Variants in UBA1 observed in about 807,000 individuals in gnomAD.
UBA1 encodes ubiquitin like modifier activating enzyme 1.
UBA1 carries 4 observed loss-of-function variants against 84.7 expected under a neutral mutation model. That is an observed-to-expected ratio of 0.05 (90% CI 0.02 to 0.11). The LOEUF is 0.11. UBA1 is among the 10% of genes least tolerant of loss of function. The pLI is 1.00. For missense variants in UBA1, 513 were observed against 902.8 expected (o/e 0.57, Z 5.53); for synonymous variants, 364 against 362.6 (o/e 1.00, Z -0.04).
intron 23 of UBA1, 52 bp from the exon 24 acceptor site, chrX:47,214,275 G>A (rs1937051816): frequency 9.1e-7 from 1 of 1,103,437 alleles, no homozygotes; most frequent in South Asian, 1.8e-5. Context: ...ACAGATGGGG[G>A]CTGGACCCTC....
Position 47,212,801 on chromosome X carries a change from A to G in UBA1, c.2584A>G (p.Ile862Val), listed in dbSNP as rs1351999233. Residue 862 changes from isoleucine to valine, a missense_variant, in exon 22 of 26, where the codon ATC (isoleucine) becomes GTC (valine). Transcript: ENST00000335972. ...DDDSNFHMDF[I>V]VAASNLRAEN... The stretch of plus-strand genomic sequence containing the variant: ...TGACAGCAACTTTCATATGGATTTC[A>G]TCGTGGCTGCATCCAACCTCCGGGC... 20 of 1,209,322 alleles carry G rather than the reference A, an allele frequency of 1.7e-5. No homozygotes were observed. Among genetic ancestry groups the G allele is most frequent in the Admixed American group, 6.6e-5 (3 of 45,711 alleles).
At chrX:47,194,845 C>G (rs1232591865) in intron 1 of UBA1, among the ~76,000 whole-genome samples, 1 of 112,403 alleles carries the variant, frequency 8.9e-6, no homozygotes, top group Non-Finnish European at 1.9e-5. Flanking sequence ...TCAGAGACTA[C>G]TGAGAGGCCT....
intron 23 of UBA1, among the ~76,000 whole-genome samples, chrX:47,214,024 C>T (rs1299677933): frequency 2.7e-5 from 3 of 111,037 alleles, no homozygotes; most frequent in Non-Finnish European, 5.7e-5. Context: ...GGCTTGGTGG[C>T]GAGTGGGGAC....
At position 47,199,193 on chromosome X, in the gene UBA1, C is replaced by T. The variant is rs782378943; in HGVS notation, c.177-16C>T. On this transcript the variant is annotated splice_polypyrimidine_tract_variant and intron_variant, in intron 3 of 25. Transcript: ENST00000335972. ...GTGGGGCAGGCCCTGACCTAGAGTACCCCCTAACCTGGCAGGTATGTGTTG... is the reference window on the plus strand; with the variant it reads ...GTGGGGCAGGCCCTGACCTAGAGTATCCCCTAACCTGGCAGGTATGTGTTG... 4.9e-6 allele frequency: 6 copies of T among 1,212,130 alleles called. No individual in the cohort carries two copies. The highest frequency in any genetic ancestry group is 1.8e-5 in the South Asian group (1 of 57,037).
chrX:47,197,192 T>C (rs1936235645), intron 1 of UBA1: 2 of 755,047 alleles, frequency 2.6e-6, no homozygotes, highest in Non-Finnish European at 1.6e-6. Context: ...TCCTTAGCCC[T>C]GTGGACTGGG....
At position 47,214,176 on chromosome X, in the gene UBA1, AG is replaced by A; in HGVS notation, c.2839-148del. On this transcript the variant is annotated intron_variant, in intron 23 of 25. Coordinates refer to ENST00000335972, the MANE Select transcript of UBA1 (RefSeq NM_003334.4). ...AGAAGAAAACAGAATTTCATTGCTT[AG>A]GGTGAGATAGGAACCACAAGAGGAT... 9.7e-6 allele frequency: 5 copies of A among 515,744 alleles called. No individual in the cohort carries two copies. In the South Asian group the frequency reaches 1.3e-4, roughly 14 times the overall value. 42.5% of individuals were successfully genotyped at this position (515,744 alleles called of 1,213,427 possible).
chrX:47,205,818 C>A, intron 14 of UBA1, 130 bp from the exon 15 acceptor site: 1 of 787,520 alleles, frequency 1.3e-6, no homozygotes, highest in Non-Finnish European at 1.8e-6. Flanking sequence ...CATGCCACTG[C>A]ATTCCAGCCT....
At chrX:47,210,798 C>T (rs1556793106) in intron 18 of UBA1, 44 bp from the exon 19 acceptor site, 1 of 1,168,275 alleles carries the variant, frequency 8.6e-7, no homozygotes, top group Non-Finnish European at 1.2e-6. Context: ...TCAGAGAGGC[C>T]TTCACTCTCA....
chrX:47,212,884 A>ATGT, intron 22 of UBA1, 21 bp downstream of exon 22: 1 of 1,208,194 alleles, frequency 8.3e-7, no homozygotes, highest in Non-Finnish European at 1.1e-6. Context: ...TCTAAATCTG[A>ATGT]TGTTCCACCC....
At chrX:47,195,758 T>C (rs1173836893) in intron 1 of UBA1, among the ~76,000 whole-genome samples, 1 of 111,015 alleles carries the variant, frequency 9.0e-6, no homozygotes, top group Non-Finnish European at 1.9e-5. Flanking sequence ...ATACCTAGCA[T>C]GTCCTGTCAG....
rs781845476 is a variant in UBA1, at chrX:47,210,060, C to T, written c.2136C>T (p.His712=). ...CTGACTGCGTGACCTGGGCCTGCCA[C>T]CACTGGCACACCCAGTACTCGAACA... ...TWADCVTWAC[H]HWHTQYSNNI... The change falls in exon 18 of 26, where the codon CAC becomes CAT. Residue 712 remains histidine (H), a synonymous_variant. Transcript: ENST00000335972. 7 of 1,210,695 alleles carry T rather than the reference C, an allele frequency of 5.8e-6. No individual in the cohort carries two copies. The East Asian group carries it at 1.5e-4, about 26-fold the overall frequency.
chrX:47,213,728 G>C (rs147103258), intron 23 of UBA1, among the ~76,000 whole-genome samples: 1 of 111,277 alleles, frequency 9.0e-6, no homozygotes, highest in Non-Finnish European at 1.9e-5. Context: ...TTAGCCAGGC[G>C]TAGTGGTAGG....
intron 20 of UBA1, among the ~76,000 whole-genome samples, chrX:47,211,909 A>G (rs1936933582): frequency 9.3e-6 from 1 of 107,850 alleles, no homozygotes; most frequent in Admixed American, 9.9e-5. Context: ...TCACCTTCAT[A>G]TATTTCTTCC....
chrX:47,211,239 G>A lies in UBA1; in HGVS notation c.2464+14G>A, dbSNP rs782636674. Reference sequence around the variant, plus strand: ...ATGCCTCTGTTGGTGAGGGTGTTTGGCCAGTTGGCCAGGAGTCACCCCACA... The same window carrying A: ...ATGCCTCTGTTGGTGAGGGTGTTTGACCAGTTGGCCAGGAGTCACCCCACA... On this transcript the variant is annotated intron_variant, in intron 20 of 25. Coordinates refer to ENST00000335972, the MANE Select transcript of UBA1 (RefSeq NM_003334.4). 5.0e-6 allele frequency: 6 copies of A among 1,204,763 alleles called. No individual in the cohort carries two copies. The South Asian group carries it at 1.1e-4, about 21-fold the overall frequency.
Position 47,209,500 on chromosome X carries a change from C to G in UBA1, c.1939-123C>G, listed in dbSNP as rs781789839. On this transcript the variant is annotated intron_variant, in intron 16 of 25. Transcript: ENST00000335972. Reference sequence around the variant, plus strand: ...GGAATGGGGAAGGCTAGAGGGCTTCCCCACTTCCAGAGTAGCTGTGCGCCT... The same window carrying G: ...GGAATGGGGAAGGCTAGAGGGCTTCGCCACTTCCAGAGTAGCTGTGCGCCT... 6.1e-6 allele frequency: 4 copies of G among 659,615 alleles called. No individual in the cohort carries two copies. In the East Asian group the frequency reaches 1.4e-4, roughly 23 times the overall value. The allele number at this position is 659,615 out of a possible 1,213,427, so 54.4% of individuals were successfully genotyped here. A position where few individuals can be genotyped will look rare whatever the true frequency, so the allele number is the denominator to read the frequency against.
intron 20 of UBA1, among the ~76,000 whole-genome samples, chrX:47,211,936 C>T (rs1015624645): frequency 2.8e-5 from 3 of 108,926 alleles, no homozygotes; most frequent in Non-Finnish European, 5.7e-5. Context: ...CTCCTCCCAC[C>T]TGCCTCGCCC....
chrX:47,195,220 T>TC (rs1249106856), intron 1 of UBA1, among the ~76,000 whole-genome samples: 5 of 111,287 alleles, frequency 4.5e-5, no homozygotes, highest in Non-Finnish European at 9.4e-5. Context: ...AGATGTCCCT[T>TC]CCCCCCACAG....
intron 17 of UBA1, 100 bp from the exon 18 acceptor site, chrX:47,209,828 G>A: frequency 9.1e-7 from 1 of 1,097,088 alleles, no homozygotes; most frequent in Non-Finnish European, 1.3e-6. Flanking sequence ...TGTTGTTTGG[G>A]GTCGGGACTA....
chrX:47,212,675 T>C (rs932597658), intron 21 of UBA1, 96 bp from the exon 22 acceptor site: 3 of 895,150 alleles, frequency 3.4e-6, no homozygotes, highest in Non-Finnish European at 4.8e-6. Context: ...CCCTTTGTGA[T>C]CTGGGAGAGT....
Sources: allele counts gnomAD v4.1 joint callset (sites outside exome capture counted in the v4.1 genomes callset), GRCh38; gene constraint gnomAD v4.1.1; transcripts MANE v1.5; gene names NCBI Gene and HGNC (gene_info 2026-07-23, HGNC 2026-07-21).